ATE1: variants seen among roughly 807,000 people sequenced by gnomAD.
ATE1 encodes the protein arginyltransferase 1, also known as arginyl-tRNA--protein transferase 1.
In ATE1, 36 loss-of-function variants were observed where a neutral mutation model predicts 70.5. That is an observed-to-expected ratio of 0.51 (90% CI 0.39 to 0.67). The LOEUF is 0.67. ATE1 is among the 30% of genes least tolerant of loss of function. ATE1 has a pLI of 0.00. For missense variants in ATE1, 593 were observed against 629.5 expected (o/e 0.94, Z 0.62); for synonymous variants, 232 against 219.3 (o/e 1.06, Z -0.51).
chr10:121,802,102 T>A (rs1257017596), intron 10 of ATE1, among the ~76,000 whole-genome samples: 6 of 152,198 alleles, frequency 3.9e-5, no homozygotes, highest in Non-Finnish European at 8.8e-5. Context: ...CACAAGTGTG[T>A]GCCCTTAGTC....
intron 11 of ATE1, among the ~76,000 whole-genome samples, chr10:121,746,628 C>G (rs947075138): frequency 5.3e-5 from 8 of 152,112 alleles, no homozygotes; most frequent in Admixed American, 4.6e-4. Context: ...AAGCCCAAAG[C>G]CAATGATCAA....
At chr10:121,901,915 C>T (rs955457385) in intron 6 of ATE1, among the ~76,000 whole-genome samples, 3 of 152,156 alleles carry the variant, frequency 2.0e-5, no homozygotes, top group Non-Finnish European at 4.4e-5. Flanking sequence ...TTCAGCAGTA[C>T]AATTTAGCCC....
At chr10:121,845,161 T>C (rs1486491621) in intron 8 of ATE1, among the ~76,000 whole-genome samples, 1 of 151,534 alleles carries the variant, frequency 6.6e-6, no homozygotes, top group Non-Finnish European at 1.5e-5. Flanking sequence ...ATTGCAATGG[T>C]CTGGAACCAA....
At chr10:121,798,570 C>A (rs560811138) in intron 10 of ATE1, among the ~76,000 whole-genome samples, 8 of 152,206 alleles carry the variant, frequency 5.3e-5, no homozygotes, top group Non-Finnish European at 1.0e-4. Flanking sequence ...TAATTCTGCA[C>A]ATTGTCTGAG....
intron 4 of ATE1, among the ~76,000 whole-genome samples, chr10:121,911,694 G>A (rs1198993100): frequency 2.0e-5 from 3 of 151,972 alleles, no homozygotes; most frequent in African/African-American, 7.2e-5. Context: ...CTGGTGGGGA[G>A]AAGAGTTGAA....
chr10:121,927,664 A>G (rs1765867708), intron 1 of ATE1, among the ~76,000 whole-genome samples, 180 bp downstream of exon 1: 1 of 152,140 alleles, frequency 6.6e-6, no homozygotes. Context: ...TTCCTGCAGA[A>G]CAGGCACCGC....
intron 10 of ATE1, among the ~76,000 whole-genome samples, chr10:121,798,042 C>T (rs1946727549): frequency 6.6e-6 from 1 of 152,230 alleles, no homozygotes; most frequent in South Asian, 2.1e-4. Flanking sequence ...ATAGTACACT[C>T]CACCTATACC....
chr10:121,853,864 C>T (rs967232321), intron 8 of ATE1, among the ~76,000 whole-genome samples: 1 of 152,158 alleles, frequency 6.6e-6, no homozygotes, highest in African/African-American at 2.4e-5. Flanking sequence ...GGGTTTGTTA[C>T]TCATAAATGG....
At position 121,835,423 on chromosome 10, in the gene ATE1, C is replaced by T. The variant is rs1471039268; in HGVS notation, c.1257+1295G>A. 4.2e-5 allele frequency among the ~76,000 whole-genome samples: 6 copies of T among 141,304 alleles called. No homozygotes were observed. The East Asian group carries it at 1.3e-3, about 30-fold the overall frequency. The allele number at this position is 141,304 out of a possible 152,430, so 92.7% of individuals were successfully genotyped here. A position where few individuals can be genotyped will look rare whatever the true frequency, so the allele number is the denominator to read the frequency against. On this transcript the variant is annotated intron_variant, in intron 10 of 11. Transcript: ENST00000224652. ...TCAAAGATTTGGAAATATAATCATC[C>T]CCAAATGTAATTAATCACCAAGTCC...
chr10:121,842,869 T>C (rs1040896676), intron 8 of ATE1, among the ~76,000 whole-genome samples: 2 of 152,070 alleles, frequency 1.3e-5, no homozygotes, highest in East Asian at 1.9e-4. Context: ...AGCTAAATAA[T>C]ATATATGCAA....
rs905500969 is a variant in ATE1, at chr10:121,899,875, G to A, written c.933C>T (p.Thr311=). ...VIHKNPPDTP[T]ESQFTRFLCS... ...CACTTGGCCTGCTGACCTGGCTTTC[G>A]GTTGGCGTATCAGGTGGGTTCTTGT... The change falls in exon 7 of 12, where the codon ACC becomes ACT. Residue 311 remains threonine (T), a synonymous_variant. Transcript: ENST00000224652. 14 of 1,611,896 alleles carry A rather than the reference G, an allele frequency of 8.7e-6. No homozygotes were observed. Among genetic ancestry groups the A allele is most frequent in the African/African-American group, 4.0e-5 (3 of 74,884 alleles).
At chr10:121,761,473 TTC>T (rs869120012) in intron 11 of ATE1, among the ~76,000 whole-genome samples, 8 of 50,622 alleles carry the variant, frequency 1.6e-4, no homozygotes, top group Non-Finnish European at 2.5e-4. Flanking sequence ...TAGTTTTTTT[TTC>T]CCAACATAAT....
chr10:121,841,295 T>TTTTTAATATTAATTATAAGATTA, intron 8 of ATE1, 32 bp from the exon 9 acceptor site: 2 of 1,318,918 alleles, frequency 1.5e-6, no homozygotes, highest in Non-Finnish European at 2.0e-6. Context: ...AACAGCCATT[T>TTTTTAATATTAATTATAAGATTA]TTTTAATATT....
Position 121,910,865 on chromosome 10 carries a change from C to A in ATE1, c.583+41G>T, listed in dbSNP as rs756771699. ...GGGTTTAAAATGACTCAGCAAAAAG[C>A]AAAGCCGTGAATATGACTTGGTATC... On this transcript the variant is annotated intron_variant, in intron 5 of 11. Coordinates refer to ENST00000224652, the MANE Select transcript of ATE1 (RefSeq NM_001001976.3). The A allele has an allele frequency of 4.3e-6, 7 of 1,611,408 alleles. No homozygotes were observed. The Admixed American group carries it at 1.2e-4, about 27-fold the overall frequency.
At chr10:121,847,805 C>T (rs1948892561) in intron 8 of ATE1, among the ~76,000 whole-genome samples, 1 of 148,220 alleles carries the variant, frequency 6.7e-6, no homozygotes. Flanking sequence ...GGCGTGGTGG[C>T]TCACACCTGT....
upstream of ATE1, chr10:121,928,207 CAG>C: frequency 7.5e-7 from 1 of 1,328,988 alleles, no homozygotes. Context: ...GGCGGAGAGA[CAG>C]AGCGGGAAGG....
At chr10:121,829,447 A>AG (rs2133680274) in intron 10 of ATE1, among the ~76,000 whole-genome samples, 1 of 133,346 alleles carries the variant, frequency 7.5e-6, no homozygotes, top group East Asian at 2.2e-4. Flanking sequence ...AAAAAAGGAA[A>AG]GAAAAAAAAA....
intron 8 of ATE1, among the ~76,000 whole-genome samples, chr10:121,851,312 C>A (rs1251312457): frequency 6.6e-6 from 1 of 151,864 alleles, no homozygotes; most frequent in Non-Finnish European, 1.5e-5. Context: ...CCCAGCTACT[C>A]TGGATGCTGA....
At chr10:121,821,702 G>A (rs1419817187) in intron 10 of ATE1, among the ~76,000 whole-genome samples, 1 of 152,148 alleles carries the variant, frequency 6.6e-6, no homozygotes, top group Non-Finnish European at 1.5e-5. Flanking sequence ...CCAATATGGG[G>A]GAACCCCATC....
Sources: allele counts gnomAD v4.1 joint callset (sites outside exome capture counted in the v4.1 genomes callset), GRCh38; gene constraint gnomAD v4.1.1; transcripts MANE v1.5; gene names NCBI Gene and HGNC (gene_info 2026-07-23, HGNC 2026-07-21).